The following CLPB variants were observed in gnomAD, a reference collection of about 807,000 sequenced individuals.
CLPB encodes the protein ClpB family mitochondrial disaggregase.
In CLPB, 40 loss-of-function variants were observed where a neutral mutation model predicts 78.4. That is an observed-to-expected ratio of 0.51 (90% CI 0.40 to 0.66). The LOEUF (loss-of-function observed/expected upper bound fraction) is 0.66, where lower values mean the gene tolerates loss of function less well. Among genes scored for constraint, CLPB ranks in the 30% least tolerant of loss-of-function variants. CLPB has a pLI of 0.00. For synonymous variants in CLPB, 333 were observed against 348.0 expected, an observed-to-expected ratio of 0.96 and a Z score of 0.48; for missense variants, 780 against 886.9, an observed-to-expected ratio of 0.88 and a Z score of 1.53.
chr11:72,360,796 AATCT>A (rs1449120723), intron 4 of CLPB, among the ~76,000 whole-genome samples: 1 of 152,164 alleles, frequency 6.6e-6, no homozygotes, highest in African/African-American at 2.4e-5. Flanking sequence ...CACTTCACAC[AATCT>A]TACTTAATTC....
intron 9 of CLPB, among the ~76,000 whole-genome samples, chr11:72,304,690 G>A (rs1480534324): frequency 6.6e-6 from 1 of 152,210 alleles, no homozygotes; most frequent in Non-Finnish European, 1.5e-5. Context: ...GCAAGATCTG[G>A]AGGTGTCAGT....
intron 14 of CLPB, 63 bp downstream of exon 14, chr11:72,294,262 C>A: frequency 6.2e-7 from 1 of 1,613,414 alleles, no homozygotes. Flanking sequence ...TGCCCCCAGT[C>A]CAGTGTTCCA....
In CLPB at chr11:72,397,730, A is replaced by G. The variant is rs118152893; in HGVS notation, c.542+5236T>C. On this transcript the variant is annotated intron_variant, in intron 3 of 15. Coordinates refer to ENST00000538039, the MANE Select transcript of CLPB (RefSeq NM_001258392.3). Reference sequence around the variant, plus strand: ...TTATTGATTTGTAAGACTTCTTTATATGTTCTGGGTACTACTGCTTTATAA... The same window carrying G: ...TTATTGATTTGTAAGACTTCTTTATGTGTTCTGGGTACTACTGCTTTATAA... 1.8e-4 allele frequency among the ~76,000 whole-genome samples: 27 copies of G among 152,256 alleles called. No individual in the cohort carries two copies. The East Asian group carries it at 4.6e-3, about 26-fold the overall frequency.
chr11:72,308,388 T>G (rs1949782374), intron 8 of CLPB, 139 bp downstream of exon 8: 1 of 682,428 alleles, frequency 1.5e-6, no homozygotes, highest in East Asian at 2.7e-5. Flanking sequence ...CTCTGTAATC[T>G]GGAGGCCGTT....
intron 11 of CLPB, among the ~76,000 whole-genome samples, chr11:72,297,604 TCCAC>T (rs1949572929): frequency 6.8e-6 from 1 of 146,374 alleles, no homozygotes; most frequent in Admixed American, 6.9e-5. Context: ...ATCTAACAGA[TCCAC>T]TGAGGGCAGT....
At position 72,290,500 on chromosome 11, in the gene CLPB, T is replaced by C. The variant is rs558387119; in HGVS notation, c.*2867A>G. ...ACCTGTTATAAGCAAGAATCATTGA[T>C]GATGGAAATGAAAATCAGTAGGCAA... On this transcript the variant is annotated 3_prime_UTR_variant, in exon 16 of 16. Coordinates refer to ENST00000538039, the MANE Select transcript of CLPB (RefSeq NM_001258392.3). 2 of 152,330 alleles carry C rather than the reference T, an allele frequency of 1.3e-5. No homozygotes were observed. Among genetic ancestry groups the C allele is most frequent in the South Asian group, 4.1e-4 (2 of 4,828 alleles). The allele number at this position is 152,330 out of a possible 1,614,324, so 9.4% of individuals were successfully genotyped here. A position where few individuals can be genotyped will look rare whatever the true frequency, so the allele number is the denominator to read the frequency against.
chr11:72,422,505 T>C (rs1856240127), intron 2 of CLPB, among the ~76,000 whole-genome samples: 1 of 152,158 alleles, frequency 6.6e-6, no homozygotes, highest in South Asian at 2.1e-4. Flanking sequence ...TCAAAAAACC[T>C]GTGTACACCC....
intron 15 of CLPB, 69 bp downstream of exon 15, chr11:72,293,953 G>T: frequency 7.4e-7 from 1 of 1,360,030 alleles, no homozygotes. Context: ...GAGAGCTCAG[G>T]GACTGGGTCT....
intron 7 of CLPB, among the ~76,000 whole-genome samples, chr11:72,309,323 G>A (rs1233373575): frequency 6.6e-6 from 1 of 152,144 alleles, no homozygotes; most frequent in Non-Finnish European, 1.5e-5. Flanking sequence ...TCCTCTTCAA[G>A]AGGACGTATG....
At chr11:72,327,871 T>C (rs1419991752) in intron 6 of CLPB, among the ~76,000 whole-genome samples, 1 of 152,230 alleles carries the variant, frequency 6.6e-6, no homozygotes, top group Non-Finnish European at 1.5e-5. Context: ...TAGTTCTTTC[T>C]GGTCACAAGG....
intron 2 of CLPB, among the ~76,000 whole-genome samples, chr11:72,415,499 T>C (rs915354671): frequency 1.3e-5 from 2 of 152,220 alleles, no homozygotes; most frequent in African/African-American, 4.8e-5. Context: ...TCTAGTTCCT[T>C]CTAGTCGCAT....
intron 2 of CLPB, among the ~76,000 whole-genome samples, chr11:72,403,747 G>A (rs1451932848): frequency 6.6e-6 from 1 of 152,156 alleles, no homozygotes; most frequent in Admixed American, 6.5e-5. Context: ...ATATGCCAGT[G>A]CCTAACACAT....
intron 11 of CLPB, among the ~76,000 whole-genome samples, chr11:72,298,190 C>G (rs1054695906): frequency 6.6e-6 from 1 of 152,072 alleles, no homozygotes; most frequent in Non-Finnish European, 1.5e-5. Context: ...CAGCAGTAGA[C>G]CTGCTTGGTG....
At chr11:72,408,116 G>C in intron 2 of CLPB, 1 of 1,534,972 alleles carries the variant, frequency 6.5e-7, no homozygotes, top group Non-Finnish European at 8.7e-7. Context: ...CCATTCAGAG[G>C]AGGAAATCTT....
intron 4 of CLPB, among the ~76,000 whole-genome samples, chr11:72,373,710 C>T (rs1191873173): frequency 2.0e-5 from 3 of 152,152 alleles, no homozygotes; most frequent in African/African-American, 7.2e-5. Flanking sequence ...CTTTGGGAGG[C>T]CAAGGTGGGT....
intron 4 of CLPB, among the ~76,000 whole-genome samples, chr11:72,363,760 G>A (rs150955586): frequency 6.6e-6 from 1 of 152,290 alleles, no homozygotes; most frequent in Non-Finnish European, 1.5e-5. Context: ...AAGCCTGAGT[G>A]GCTCCATGGC....
chr11:72,380,576 G>A (rs1854881482), intron 3 of CLPB, among the ~76,000 whole-genome samples, 192 bp from the exon 4 acceptor site: 1 of 152,134 alleles, frequency 6.6e-6, no homozygotes. Context: ...TCTTAGCCGG[G>A]TGCAGTGACT....
In CLPB at chr11:72,294,011, C is replaced by G. The variant is rs780677119; in HGVS notation, c.1785+11G>C. On this transcript the variant is annotated intron_variant, in intron 15 of 15. Coordinates refer to ENST00000538039, the MANE Select transcript of CLPB (RefSeq NM_001258392.3). ...GTGGAGGCGCCTCATTTCTCAGGCT[C>G]CTGTGCTCACCTCATGTTTGATGGA... The G allele has an allele frequency of 1.9e-6, 3 of 1,611,894 alleles. No individual in the cohort carries two copies. In the South Asian group the frequency reaches 3.3e-5, roughly 18 times the overall value.
intron 5 of CLPB, chr11:72,354,423 T>C (rs1054394975): frequency 7.5e-6 from 3 of 398,096 alleles, no homozygotes; most frequent in Admixed American, 4.4e-5. Flanking sequence ...ATTAGAGATA[T>C]GTTTTAGGAA....
Sources: allele counts gnomAD v4.1 joint callset (sites outside exome capture counted in the v4.1 genomes callset), GRCh38; gene constraint gnomAD v4.1.1; transcripts MANE v1.5; gene names NCBI Gene and HGNC (gene_info 2026-07-23, HGNC 2026-07-21).